The following RALYL variants were observed in gnomAD, a reference collection of about 807,000 sequenced individuals.
The protein encoded by RALYL is RALY RNA binding protein like.
A neutral mutation model predicts 35.1 loss-of-function variants in RALYL; 29 were observed. The observed-to-expected ratio is 0.83, with a 90% CI of 0.61 to 1.13. RALYL has a LOEUF of 1.13. Ranked by LOEUF, RALYL falls within the 50% of genes most tolerant of loss-of-function variation. The pLI is 0.00. For synonymous variants in RALYL, 120 were observed against 127.6 expected, an observed-to-expected ratio of 0.94 and a Z score of 0.40; for missense variants, 359 against 360.4, an observed-to-expected ratio of 1.00 and a Z score of 0.03.
At chr8:84,718,235 T>G (rs993486026) in intron 2 of RALYL, among the ~76,000 whole-genome samples, 2 of 152,172 alleles carry the variant, frequency 1.3e-5, no homozygotes, top group African/African-American at 2.4e-5. Context: ...CTTGTCCCAA[T>G]TGAAATAAAC....
chr8:84,770,072 G>A (rs1391573513), intron 2 of RALYL, among the ~76,000 whole-genome samples: 2 of 151,624 alleles, frequency 1.3e-5, no homozygotes, highest in East Asian at 3.9e-4. Flanking sequence ...ATTTCCATAG[G>A]TTTTGGCGAA....
intron 1 of RALYL, among the ~76,000 whole-genome samples, chr8:84,428,112 A>T (rs1458335927): frequency 1.7e-3 from 246 of 140,958 alleles, no homozygotes; most frequent in African/African-American, 4.3e-3. Context: ...TCTCTCACAC[A>T]CACACACACA....
chr8:84,325,483 A>G (rs1359788374), intron 1 of RALYL, among the ~76,000 whole-genome samples: 1 of 152,184 alleles, frequency 6.6e-6, no homozygotes, highest in East Asian at 1.9e-4. Flanking sequence ...GGCAATGCCA[A>G]TTCTTCAAAA....
intron 1 of RALYL, among the ~76,000 whole-genome samples, chr8:84,407,046 A>T (rs1349159980): frequency 2.7e-5 from 4 of 148,046 alleles, no homozygotes; most frequent in African/African-American, 1.0e-4. Context: ...ACACACACAC[A>T]CTCACACACA....
At chr8:84,616,737 A>G (rs921874754) in intron 2 of RALYL, among the ~76,000 whole-genome samples, 1 of 151,332 alleles carries the variant, frequency 6.6e-6, no homozygotes, top group African/African-American at 2.4e-5. Flanking sequence ...CTAACGTTTA[A>G]GTCTTTAATC....
intron 2 of RALYL, among the ~76,000 whole-genome samples, chr8:84,772,486 T>C (rs980272436): frequency 2.1e-5 from 3 of 145,150 alleles, no homozygotes; most frequent in Non-Finnish European, 4.6e-5. Context: ...AATTTTTCTG[T>C]TTATATAAGG....
At chr8:84,820,755 C>T (rs188447271) in intron 4 of RALYL, among the ~76,000 whole-genome samples, 362 of 152,096 alleles carry the variant, frequency 2.4e-3, no homozygotes, top group Non-Finnish European at 3.7e-3. Flanking sequence ...TCCCTGTGTC[C>T]GTGTGTTCTC....
intron 1 of RALYL, among the ~76,000 whole-genome samples, chr8:84,491,768 T>G (rs540762336): frequency 6.6e-6 from 1 of 152,112 alleles, no homozygotes; most frequent in South Asian, 2.1e-4. Context: ...CTATCAGAAT[T>G]AGTCTTAGAT....
At chr8:84,430,118 A>C (rs2046982136) in intron 1 of RALYL, among the ~76,000 whole-genome samples, 1 of 152,020 alleles carries the variant, frequency 6.6e-6, no homozygotes, top group Non-Finnish European at 1.5e-5. Context: ...TGAGTGTGTA[A>C]TTCCATGCTA....
intron 2 of RALYL, among the ~76,000 whole-genome samples, chr8:84,766,733 A>AAAC (rs1554577793): frequency 1.4e-5 from 2 of 146,292 alleles, no homozygotes; most frequent in African/African-American, 5.1e-5. Flanking sequence ...AAAAAAAAAA[A>AAAC]AAAAAAAAAA....
At chr8:84,871,853 C>A (rs926950443) in intron 6 of RALYL, among the ~76,000 whole-genome samples, 4 of 152,118 alleles carry the variant, frequency 2.6e-5, no homozygotes, top group South Asian at 2.1e-4. Context: ...TGTTTATGAT[C>A]CATAACATAT....
chr8:84,468,705 G>T (rs1187615564), intron 1 of RALYL, among the ~76,000 whole-genome samples: 1 of 150,304 alleles, frequency 6.7e-6, no homozygotes, highest in Non-Finnish European at 1.5e-5. Context: ...TGCTAGACTG[G>T]GGAAGTTCTC....
At chr8:84,862,038 G>A (rs1224068500) in intron 5 of RALYL, among the ~76,000 whole-genome samples, 1 of 152,182 alleles carries the variant, frequency 6.6e-6, no homozygotes, top group African/African-American at 2.4e-5. Flanking sequence ...AAAGCTCCTT[G>A]TCCTTTCATA....
intron 1 of RALYL, among the ~76,000 whole-genome samples, chr8:84,497,043 A>G (rs2056109227): frequency 1.3e-5 from 2 of 152,094 alleles, no homozygotes; most frequent in Admixed American, 6.6e-5. Flanking sequence ...TCTAATGCAA[A>G]ACTCTAAAAC....
chr8:84,183,186 T>A (rs1811675453), upstream of RALYL: 1 of 155,152 alleles, frequency 6.4e-6, no homozygotes, highest in Non-Finnish European at 1.4e-5. Context: ...CCCGCTCGGC[T>A]CCCCCTCTCG....
At chr8:84,689,309 A>G (rs984533220) in intron 2 of RALYL, among the ~76,000 whole-genome samples, 1 of 151,986 alleles carries the variant, frequency 6.6e-6, no homozygotes, top group Non-Finnish European at 1.5e-5. Flanking sequence ...ATTCCCACCT[A>G]TGAGTAAGAA....
intron 2 of RALYL, among the ~76,000 whole-genome samples, chr8:84,592,797 G>A (rs1813591200): frequency 6.6e-6 from 1 of 152,042 alleles, no homozygotes; most frequent in Non-Finnish European, 1.5e-5. Flanking sequence ...GAAAATAAAT[G>A]AATATCATAT....
intron 2 of RALYL, among the ~76,000 whole-genome samples, chr8:84,550,919 A>T (rs1253325979): frequency 3.9e-5 from 6 of 152,036 alleles, no homozygotes; most frequent in Admixed American, 3.9e-4. Context: ...CATTGCGACA[A>T]AATCTAGGTC....
At chr8:84,314,736 C>T (rs1309175877) in intron 1 of RALYL, among the ~76,000 whole-genome samples, 1 of 152,072 alleles carries the variant, frequency 6.6e-6, no homozygotes, top group African/African-American at 2.4e-5. Context: ...CATCGTTAAT[C>T]AGTCAATCAG....
Sources: gnomAD v4.1 joint callset for allele counts (sites outside exome capture counted in the v4.1 genomes callset) on GRCh38, gnomAD v4.1.1 for gene constraint, MANE v1.5 for transcripts, NCBI Gene and HGNC (gene_info 2026-07-23, HGNC 2026-07-21) for gene names.